ZNF544: variants seen among roughly 807,000 people sequenced by gnomAD.
ZNF544 encodes the protein zinc finger protein AF020591.
A neutral mutation model predicts 13.5 loss-of-function variants in ZNF544; 10 were observed. The observed-to-expected ratio is 0.74, with a 90% CI of 0.46 to 1.25. The LOEUF is 1.25. Ranked by LOEUF, ZNF544 falls within the 50% of genes most tolerant of loss-of-function variation. ZNF544 has a pLI of 0.00. For missense variants in ZNF544, 896 were observed against 845.6 expected (o/e 1.06, Z -0.74); for synonymous variants, 323 against 300.5 (o/e 1.07, Z -0.77).
chr19:58,250,425 G>C (rs2046111772), intron 6 of ZNF544, among the ~76,000 whole-genome samples: 1 of 152,138 alleles, frequency 6.6e-6, no homozygotes, highest in South Asian at 2.1e-4. Context: ...ATAGCTAGTG[G>C]GCTTACCTTG....
chr19:58,273,790 T>TTTTTG (rs1439691865), intron 5 of ZNF544, among the ~76,000 whole-genome samples: 1 of 151,234 alleles, frequency 6.6e-6, no homozygotes, highest in Non-Finnish European at 1.5e-5. Flanking sequence ...CCCTAAACAG[T>TTTTTG]TTTTGTTTTG....
chr19:58,237,706 T>C (rs2042726396), intron 3 of ZNF544, among the ~76,000 whole-genome samples: 1 of 152,182 alleles, frequency 6.6e-6, no homozygotes, highest in Non-Finnish European at 1.5e-5. Flanking sequence ...TCCTTTTGTG[T>C]CTTAAATGCT....
chr19:58,246,630 A>C, intron 5 of ZNF544, 81 bp from the exon 6 acceptor site: 1 of 1,544,606 alleles, frequency 6.5e-7, no homozygotes, highest in South Asian at 1.2e-5. Flanking sequence ...TCGGGACAGC[A>C]CTAGGGGCTG....
At chr19:58,243,671 C>G (rs1399708468) in intron 3 of ZNF544, among the ~76,000 whole-genome samples, 1 of 152,104 alleles carries the variant, frequency 6.6e-6, no homozygotes, top group Non-Finnish European at 1.5e-5. Context: ...TGTACAATTA[C>G]TTAGACACCT....
At chr19:58,268,634 C>G (rs2050231529), downstream of ZNF544, among the ~76,000 whole-genome samples, 1 of 152,210 alleles carries the variant, frequency 6.6e-6, no homozygotes, top group Admixed American at 6.5e-5. Context: ...TTGGCTGGAG[C>G]CAGCCTGCAC....
rs769497543 is a variant in ZNF544, at chr19:58,261,855, T to C, written c.1249T>C (p.Phe417Leu). The change falls in exon 7 of 7, where the codon TTC becomes CTC. Residue 417 changes from phenylalanine to leucine, a missense_variant. Coordinates refer to ENST00000687789, the MANE Select transcript of ZNF544 (RefSeq NM_014480.4). ...PYECDLCGKS[F>L]TQRSKLITHQ... ...TGAGTGTGACCTGTGTGGGAAATCC[T>C]TCACCCAGAGATCCAAACTTATTAC... The C allele has an allele frequency of 1.9e-6, 3 of 1,613,204 alleles. No individual in the cohort carries two copies. Among genetic ancestry groups the C allele is most frequent in the East Asian group, 2.2e-5 (1 of 44,848 alleles).
chr19:58,247,534 A>G (rs171851), intron 6 of ZNF544: 30,223 of 152,068 alleles, frequency 0.2, 3,654 homozygotes, highest in East Asian at 0.57. Flanking sequence ...TGCTGAGATT[A>G]CAGGTGTGAG....
At chr19:58,239,057 G>A (rs1469889651) in intron 3 of ZNF544, among the ~76,000 whole-genome samples, 2 of 152,156 alleles carry the variant, frequency 1.3e-5, no homozygotes, top group East Asian at 3.9e-4. Context: ...CGTTCAGGAA[G>A]AGAAGGTGGT....
chr19:58,250,878 G>A (rs1465838033), intron 6 of ZNF544, among the ~76,000 whole-genome samples: 3 of 152,156 alleles, frequency 2.0e-5, no homozygotes, highest in Non-Finnish European at 4.4e-5. Context: ...CCAGAGCTGG[G>A]CTGGTGGTAT....
intron 5 of ZNF544, among the ~76,000 whole-genome samples, chr19:58,269,247 C>T (rs561524415): frequency 3.0e-4 from 46 of 151,848 alleles, no homozygotes; most frequent in African/African-American, 1.0e-3. Flanking sequence ...CCAGCCTGGC[C>T]GACATTGTGA....
intron 3 of ZNF544, among the ~76,000 whole-genome samples, chr19:58,237,465 C>T (rs537392543): frequency 4.8e-4 from 73 of 152,306 alleles, no homozygotes; most frequent in African/African-American, 1.5e-3. Context: ...GCAGCCTCTG[C>T]GAGTGCTGTG....
rs961039986 is a variant in ZNF544, at chr19:58,246,930, C to A, written c.244+136C>A. 3.3e-5 allele frequency: 23 copies of A among 694,388 alleles called. No homozygotes were observed. In the African/African-American group the frequency reaches 3.6e-4, roughly 11 times the overall value. 43.0% of individuals were successfully genotyped at this position (694,388 alleles called of 1,614,324 possible). On this transcript the variant is annotated intron_variant, in intron 6 of 6. Coordinates refer to ENST00000687789, the MANE Select transcript of ZNF544 (RefSeq NM_014480.4). Reference sequence around the variant, plus strand: ...TGGGTGCTCTTTGCAGCAGTTCACCCATTCAAAGGAGTTCACCAATTCGAA... The same window carrying A: ...TGGGTGCTCTTTGCAGCAGTTCACCAATTCAAAGGAGTTCACCAATTCGAA...
rs1192820570 is a variant in ZNF544, at chr19:58,263,533, C to G, written c.*779C>G. On this transcript the variant is annotated 3_prime_UTR_variant, in exon 7 of 7. Transcript: ENST00000687789. ...GAAATCAGGTGGCCAAAACATGACT[C>G]TCAGAGTGGGGCTTCATGACCATGT... 2 of 985,456 alleles carry G rather than the reference C, an allele frequency of 2.0e-6. No homozygotes were observed. The highest frequency in any genetic ancestry group is 2.4e-6 in the Non-Finnish European group (2 of 829,954). 61.0% of individuals were successfully genotyped at this position (985,456 alleles called of 1,614,324 possible).
chr19:58,239,066 G>C (rs1184599652), intron 3 of ZNF544, among the ~76,000 whole-genome samples: 1 of 152,120 alleles, frequency 6.6e-6, no homozygotes, highest in Non-Finnish European at 1.5e-5. Context: ...AGAGAAGGTG[G>C]TGAAAATAAA....
At position 58,263,348 on chromosome 19, in the gene ZNF544, C is replaced by A; in HGVS notation, c.*594C>A. 4 of 885,548 alleles carry A rather than the reference C, an allele frequency of 4.5e-6. No homozygotes were observed. The highest frequency in any genetic ancestry group is 4.1e-6 in the Non-Finnish European group (3 of 738,930). 54.9% of individuals were successfully genotyped at this position (885,548 alleles called of 1,614,324 possible). On this transcript the variant is annotated 3_prime_UTR_variant, in exon 7 of 7. Coordinates refer to ENST00000687789, the MANE Select transcript of ZNF544 (RefSeq NM_014480.4). ...TGGTGGCGCATACCTGTAGTCCTAG[C>A]TACTCAGGAGGCTGAGGTGGGAGGA...
chr19:58,238,779 G>A (rs2042958362), intron 3 of ZNF544, among the ~76,000 whole-genome samples: 1 of 151,928 alleles, frequency 6.6e-6, no homozygotes, highest in Non-Finnish European at 1.5e-5. Context: ...GATCCTCAAC[G>A]TGGGTCTTTC....
At chr19:58,254,111 C>G (rs572145893) in intron 6 of ZNF544, among the ~76,000 whole-genome samples, 1 of 151,996 alleles carries the variant, frequency 6.6e-6, no homozygotes, top group Admixed American at 6.6e-5. Context: ...GTAGTCCCAG[C>G]TACTTGAGAG....
In ZNF544 at chr19:58,262,546, T is replaced by C; in HGVS notation, c.1940T>C (p.Leu647Pro). The change falls in exon 7 of 7, where the codon CTT (leucine) becomes CCT (proline). Residue 647 changes from leucine (L) to proline (P), a missense_variant. Coordinates refer to ENST00000687789, the MANE Select transcript of ZNF544 (RefSeq NM_014480.4). ...CNKAFARSSY[L>P]VMHQRTHTGE... is the part of the protein sequence containing the mutation. Reference sequence around the variant, plus strand: ...AAAGCCTTTGCAAGGAGCTCCTACCTTGTGATGCATCAGAGAACTCACACT... The same window carrying C: ...AAAGCCTTTGCAAGGAGCTCCTACCCTGTGATGCATCAGAGAACTCACACT... 1 of 1,614,200 alleles carries C rather than the reference T, an allele frequency of 6.2e-7. No homozygotes were observed. Among genetic ancestry groups the C allele is most frequent in the Non-Finnish European group, 8.5e-7 (1 of 1,180,026 alleles).
chr19:58,246,397 C>G lies in ZNF544; in HGVS notation c.130C>G (p.Leu44Val). 1 of 1,614,074 alleles carries G rather than the reference C, an allele frequency of 6.2e-7. No homozygotes were observed. The highest frequency in any genetic ancestry group is 8.5e-7 in the Non-Finnish European group (1 of 1,180,004). Reference sequence around the variant, plus strand: ...GAGGACACTGTACCGAGAGGTGACACTGGAGACCTGGGAGCATATTGTCTC... The same window carrying G: ...GAGGACACTGTACCGAGAGGTGACAGTGGAGACCTGGGAGCATATTGTCTC... The part of the protein sequence containing the change: ...AQRTLYREVT[L>V]ETWEHIVSLG... The change falls in exon 5 of 7, where the codon CTG becomes GTG. Residue 44 changes from leucine to valine, a missense_variant. Leu to Val is a conservative substitution (Grantham distance 32). Coordinates refer to ENST00000687789, the MANE Select transcript of ZNF544 (RefSeq NM_014480.4).
Sources: allele counts gnomAD v4.1 joint callset (sites outside exome capture counted in the v4.1 genomes callset), GRCh38; gene constraint gnomAD v4.1.1; transcripts MANE v1.5; gene names NCBI Gene and HGNC (gene_info 2026-07-23, HGNC 2026-07-21).